STAB2: variants seen among roughly 807,000 people sequenced by gnomAD.
STAB2 encodes the protein stabilin 2.
A neutral mutation model predicts 338.1 loss-of-function variants in STAB2; 288 were observed. The observed-to-expected ratio is 0.85, with a 90% CI of 0.77 to 0.94. The LOEUF is 0.94. Ranked by LOEUF, STAB2 falls within the 40% of genes least tolerant of loss-of-function variation. STAB2 has a pLI of 0.00. For missense variants in STAB2, 3,141 were observed against 3,210.1 expected, an observed-to-expected ratio of 0.98 and a Z score of 0.52; for synonymous variants, 1,202 against 1,193.3, an observed-to-expected ratio of 1.01 and a Z score of -0.15.
At chr12:103,600,789 A>G (rs1287290964) in intron 3 of STAB2, among the ~76,000 whole-genome samples, 4 of 152,262 alleles carry the variant, frequency 2.6e-5, no homozygotes, top group African/African-American at 9.6e-5. Flanking sequence ...GAGATAGCAT[A>G]TCCAGCCAGC....
Position 103,690,627 on chromosome 12 carries a change from CA to C in STAB2, c.3297+92del, listed in dbSNP as rs1248635112. 16 of 1,072,820 alleles carry C rather than the reference CA, an allele frequency of 1.5e-5. No individual in the cohort carries two copies. The African/African-American group carries it at 2.2e-4, about 15-fold the overall frequency. 66.5% of individuals were successfully genotyped at this position (1,072,820 alleles called of 1,614,324 possible). A position where few individuals can be genotyped will look rare whatever the true frequency, so the allele number is the denominator to read the frequency against. On this transcript the variant is annotated intron_variant, in intron 30 of 68. Transcript: ENST00000388887. Reference sequence around the variant, plus strand: ...TAAATTTTCATGTTATGGGAACTTCCAAACATGCGCAAAACTACAGAGAACA... The same window carrying C: ...TAAATTTTCATGTTATGGGAACTTCCAACATGCGCAAAACTACAGAGAACA...
At chr12:103,744,091 G>C (rs1005125209) in intron 56 of STAB2, among the ~76,000 whole-genome samples, 14 of 152,234 alleles carry the variant, frequency 9.2e-5, no homozygotes, top group Admixed American at 9.2e-4. Context: ...ACTTGCACTA[G>C]TACGGTAGTG....
Position 103,735,644 on chromosome 12 carries a change from A to G in STAB2, c.5550+64A>G, listed in dbSNP as rs1593302041. ...CACATTCACAGCAAGCTATTCCCCAACAACTGCCCCTTCAAGGAGATGTTC... is the reference window on the plus strand; with the variant it reads ...CACATTCACAGCAAGCTATTCCCCAGCAACTGCCCCTTCAAGGAGATGTTC... On this transcript the variant is annotated intron_variant, in intron 52 of 68. Coordinates refer to ENST00000388887, the MANE Select transcript of STAB2 (RefSeq NM_017564.10). The G allele has an allele frequency of 3.2e-6, 4 of 1,248,130 alleles. No homozygotes were observed. In the East Asian group the frequency reaches 1.0e-4, roughly 32 times the overall value. The allele number at this position is 1,248,130 out of a possible 1,614,324, so 77.3% of individuals were successfully genotyped here. A position where few individuals can be genotyped will look rare whatever the true frequency, so the allele number is the denominator to read the frequency against.
chr12:103,640,917 T>C (rs147109815), intron 9 of STAB2, among the ~76,000 whole-genome samples: 26 of 152,208 alleles, frequency 1.7e-4, no homozygotes, highest in African/African-American at 6.0e-4. Context: ...CATAAGGTTG[T>C]TGTGATGATT....
At chr12:103,599,868 G>A (rs1470327347) in intron 3 of STAB2, among the ~76,000 whole-genome samples, 1 of 152,122 alleles carries the variant, frequency 6.6e-6, no homozygotes, top group Non-Finnish European at 1.5e-5. Flanking sequence ...TCACCAGTGG[G>A]CCTCTTTATT....
chr12:103,609,346 A>G (rs1402048210), intron 3 of STAB2, among the ~76,000 whole-genome samples: 1 of 152,116 alleles, frequency 6.6e-6, no homozygotes, highest in African/African-American at 2.4e-5. Context: ...ATTTGTTCGT[A>G]TCCTCTTTTA....
intron 66 of STAB2, 89 bp downstream of exon 66, chr12:103,761,499 C>A: frequency 8.7e-7 from 1 of 1,151,016 alleles, no homozygotes; most frequent in Non-Finnish European, 1.3e-6. Context: ...GCCCTGTCCT[C>A]CTCCCTCTTC....
At chr12:103,667,561 A>G (rs771550237) in intron 19 of STAB2, among the ~76,000 whole-genome samples, 2 of 152,154 alleles carry the variant, frequency 1.3e-5, no homozygotes, top group East Asian at 1.9e-4. Flanking sequence ...AAGAAAGGGA[A>G]ATTAGACACA....
At chr12:103,735,103 G>C (rs190463436) in intron 51 of STAB2, among the ~76,000 whole-genome samples, 2 of 152,234 alleles carry the variant, frequency 1.3e-5, no homozygotes, top group Non-Finnish European at 2.9e-5. Context: ...GGAACTGGGG[G>C]TCAGGACTTC....
intron 5 of STAB2, among the ~76,000 whole-genome samples, chr12:103,630,947 A>T (rs545624738): frequency 9.3e-4 from 141 of 152,362 alleles, no homozygotes; most frequent in African/African-American, 3.0e-3. Flanking sequence ...CTAATACAAC[A>T]TGCTGCAGAC....
chr12:103,695,608 A>G lies in STAB2; in HGVS notation c.3434A>G (p.Glu1145Gly), dbSNP rs1310409939. ...TTACCAAACCTGCTCATGCGGCTGGAACAGATGCCTGACTATTCCATCTTC... is the reference window on the plus strand; with the variant it reads ...TTACCAAACCTGCTCATGCGGCTGGGACAGATGCCTGACTATTCCATCTTC... ...GSLPNLLMRLEQMPDYSIFRG... is the reference protein window; with the variant it reads ...GSLPNLLMRLGQMPDYSIFRG... The change falls in exon 32 of 69, where the codon GAA becomes GGA. Residue 1145 changes from glutamate (E) to glycine (G), a missense_variant. Transcript: ENST00000388887. The G allele has an allele frequency of 1.2e-6, 2 of 1,614,100 alleles. No homozygotes were observed. Among genetic ancestry groups the G allele is most frequent in the African/African-American group, 2.7e-5 (2 of 74,942 alleles).
At position 103,675,915 on chromosome 12, in the gene STAB2, C is replaced by G. The variant is rs1211171552; in HGVS notation, c.2553-13C>G. On this transcript the variant is annotated splice_polypyrimidine_tract_variant and intron_variant, in intron 23 of 68. Transcript: ENST00000388887. ...CTTATTCTGGGGCTGATATTGCACA[C>G]TCTCCTTTGCAGTTGTATTTGCAAA... The G allele has an allele frequency of 6.2e-7, 1 of 1,603,350 alleles. No homozygotes were observed. Among genetic ancestry groups the G allele is most frequent in the African/African-American group, 1.3e-5 (1 of 74,334 alleles).
intron 3 of STAB2, among the ~76,000 whole-genome samples, chr12:103,616,677 C>T (rs952985144): frequency 6.6e-6 from 1 of 152,170 alleles, no homozygotes; most frequent in Non-Finnish European, 1.5e-5. Flanking sequence ...CCTTGTACAC[C>T]CATTTCTGGG....
rs997712083 is a variant in STAB2 at position 103,763,555 on chromosome 12, T to C, written c.7552T>C (p.Leu2518=). 1 of 1,614,062 alleles carries C rather than the reference T, an allele frequency of 6.2e-7. No individual in the cohort carries two copies. Among genetic ancestry groups the C allele is most frequent in the African/African-American group, 1.3e-5 (1 of 75,020 alleles). ...KQQPENISNP[L]YESTTSAPPE... ...GCAGCCTGAGAATATCTCGAACCCC[T>C]TGTATGAGAGCACAACCTCAGCTCC... Residue 2518 remains leucine (L), a synonymous_variant, in exon 68 of 69, where the codon TTG becomes CTG. Coordinates refer to ENST00000388887, the MANE Select transcript of STAB2 (RefSeq NM_017564.10).
chr12:103,617,957 C>G (rs697198), intron 3 of STAB2, among the ~76,000 whole-genome samples: 149,803 of 152,320 alleles, frequency 0.98, 73,675 homozygotes, highest in East Asian at 1. Context: ...GAAGGAGCCC[C>G]AGAGAAAACC....
At position 103,757,944 on chromosome 12, in the gene STAB2, A is replaced by G. The variant is rs1197536192; in HGVS notation, c.6988-226A>G. ...GGCTGCTCAAGCAGCCACGTGGAGG[A>G]TGGGCTGTGACGTGGCTGTGTCTTA... is the stretch of plus-strand genomic sequence containing the variant. On this transcript the variant is annotated intron_variant, in intron 63 of 68. Transcript: ENST00000388887. 3 of 582,348 alleles carry G rather than the reference A, an allele frequency of 5.2e-6. No homozygotes were observed. The East Asian group carries it at 9.0e-5, about 18-fold the overall frequency. The allele number at this position is 582,348 out of a possible 1,614,324, so 36.1% of individuals were successfully genotyped here.
intron 4 of STAB2, 114 bp downstream of exon 4, chr12:103,620,667 A>T (rs1418877744): frequency 4.4e-6 from 4 of 912,086 alleles, no homozygotes; most frequent in Non-Finnish European, 6.6e-6. Flanking sequence ...GCACACACAC[A>T]TATACAGCGA....
rs139742891 is a variant in STAB2 at position 103,732,778 on chromosome 12, C to T, written c.5284-228C>T. Among the ~76,000 whole-genome samples, 25 of 152,072 alleles carry T rather than the reference C, an allele frequency of 1.6e-4. No homozygotes were observed. The East Asian group carries it at 3.3e-3, about 20-fold the overall frequency. ...TGTGACTGTGCTACTGCACTCCAGC[C>T]GGGGCAACAGAGTGAGACCCTGTCT... is the stretch of plus-strand genomic sequence containing the variant. On this transcript the variant is annotated intron_variant, in intron 50 of 68. Transcript: ENST00000388887.
Position 103,638,006 on chromosome 12 carries a change from G to A in STAB2, c.710-10G>A. The A allele has an allele frequency of 6.2e-7, 1 of 1,602,108 alleles. No homozygotes were observed. The highest frequency in any genetic ancestry group is 8.5e-7 in the Non-Finnish European group (1 of 1,170,418). On this transcript the variant is annotated splice_polypyrimidine_tract_variant and intron_variant, in intron 7 of 68. Transcript: ENST00000388887. ...ACTAACTGCCTCTCATTTTGCTGTT[G>A]CCTCTCAAGCCATCAATCCATGTTT...
Sources: allele counts gnomAD v4.1 joint callset (sites outside exome capture counted in the v4.1 genomes callset), GRCh38; gene constraint gnomAD v4.1.1; transcripts MANE v1.5; gene names NCBI Gene and HGNC (gene_info 2026-07-23, HGNC 2026-07-21).